CNKSR3: variants seen among roughly 807,000 people sequenced by gnomAD.
CNKSR3 encodes the protein CNKSR family member 3.
CNKSR3 carries 36 observed loss-of-function variants against 67.7 expected under a neutral mutation model. That is an observed-to-expected ratio of 0.53 (90% CI 0.41 to 0.70). CNKSR3 has a LOEUF of 0.70. Among genes scored for constraint, CNKSR3 ranks in the 30% least tolerant of loss-of-function variants. CNKSR3 has a pLI of 0.00. For missense variants in CNKSR3, 630 were observed against 695.2 expected, an observed-to-expected ratio of 0.91 and a Z score of 1.05; for synonymous variants, 281 against 271.4, an observed-to-expected ratio of 1.04 and a Z score of -0.35.
chr6:154,420,225 TAAA>T (rs35213451), intron 9 of CNKSR3, among the ~76,000 whole-genome samples: 110 of 145,316 alleles, frequency 7.6e-4, no homozygotes, highest in Non-Finnish European at 8.2e-4. Context: ...ATGTGGAATC[TAAA>T]AAAAAAAAAA....
rs1784589865 is a variant in CNKSR3, at chr6:154,390,151, T to A, written c.*16203A>T. 1 of 152,202 alleles carries A rather than the reference T, an allele frequency of 6.6e-6. No homozygotes were observed. The highest frequency in any genetic ancestry group is 2.4e-5 in the African/African-American group (1 of 41,448). 9.4% of individuals were successfully genotyped at this position (152,202 alleles called of 1,614,324 possible). A position where few individuals can be genotyped will look rare whatever the true frequency, so the allele number is the denominator to read the frequency against. ...TAGAATATTACTCATCAGTCACAAA[T>A]CTTGTATGCTTCCCCACATTTTCTC... On this transcript the variant is annotated 3_prime_UTR_variant, in exon 13 of 13. Transcript: ENST00000607772.
intron 12 of CNKSR3, among the ~76,000 whole-genome samples, chr6:154,409,786 G>A (rs190642658): frequency 2.6e-5 from 4 of 151,588 alleles, no homozygotes; most frequent in South Asian, 4.2e-4. Flanking sequence ...GCACATCCCC[G>A]TAATTCCAGC....
intron 7 of CNKSR3, 105 bp downstream of exon 7, chr6:154,428,023 C>T: frequency 1.3e-6 from 1 of 750,508 alleles, no homozygotes; most frequent in Non-Finnish European, 2.3e-6. Context: ...CACGCTCTCA[C>T]AATAATCAAA....
chr6:154,440,285 C>T (rs531320421), intron 4 of CNKSR3, among the ~76,000 whole-genome samples: 1 of 152,268 alleles, frequency 6.6e-6, no homozygotes, highest in Admixed American at 6.5e-5. Context: ...TCTGTTATGG[C>T]ATGGTCAGGA....
intron 4 of CNKSR3, among the ~76,000 whole-genome samples, chr6:154,435,895 C>A (rs1055165513): frequency 2.0e-5 from 3 of 152,260 alleles, no homozygotes; most frequent in Non-Finnish European, 4.4e-5. Context: ...CAAAGCCTAC[C>A]TCTGAGATTT....
In CNKSR3 at chr6:154,498,904, G is replaced by T. The variant is rs139715604; in HGVS notation, c.52+11159C>A. ...TTCAAAGCCAAAACCTGAGTGCTAA[G>T]TGAGGAAGCTCAACTATTTTCTCGC... On this transcript the variant is annotated intron_variant, in intron 1 of 12. Coordinates refer to ENST00000607772, the MANE Select transcript of CNKSR3 (RefSeq NM_173515.4). Among the ~76,000 whole-genome samples, 3 of 152,318 alleles carry T rather than the reference G, an allele frequency of 2.0e-5. No individual in the cohort carries two copies. In the East Asian group the frequency reaches 5.8e-4, roughly 29 times the overall value.
chr6:154,423,887 T>TC (rs1785198365), intron 7 of CNKSR3, among the ~76,000 whole-genome samples: 1 of 152,176 alleles, frequency 6.6e-6, no homozygotes, highest in Admixed American at 6.5e-5. Context: ...AGACTTTTTT[T>TC]CCTTCAAATA....
chr6:154,456,108 T>G (rs1785949139), intron 1 of CNKSR3, among the ~76,000 whole-genome samples: 2 of 152,092 alleles, frequency 1.3e-5, no homozygotes, highest in South Asian at 4.1e-4. Context: ...AAGCAAATGG[T>G]CATCATGACC....
intron 1 of CNKSR3, among the ~76,000 whole-genome samples, chr6:154,492,759 CAAAAA>C (rs1359589710): frequency 7.6e-6 from 1 of 131,360 alleles, no homozygotes; most frequent in African/African-American, 2.9e-5. Flanking sequence ...AAAAAAAAAA[CAAAAA>C]ACAAAAAAAA....
In CNKSR3 at chr6:154,414,300, G is replaced by A. The variant is rs745528462; in HGVS notation, c.1069C>T (p.Arg357Trp). ...PPPPAVPYSP[R>W]DENGSFVYGG... is the part of the protein sequence containing the mutation. ...CCATGACAATGGACAGCAACATACC[G>A]GGGAGAGTAGGGAACAGCAGGCGGA... is the stretch of plus-strand genomic sequence containing the variant. Residue 357 changes from arginine to tryptophan, a missense_variant and splice_region_variant, in exon 10 of 13, where the codon CGG becomes TGG. Around this residue, in one of 3 missense-constraint regions of CNKSR3, gnomAD observed 308 missense variants for 299.6 expected, o/e 1.03. Transcript: ENST00000607772. 1.8e-5 allele frequency: 28 copies of A among 1,591,322 alleles called. No homozygotes were observed. Among genetic ancestry groups the A allele is most frequent in the East Asian group, 1.6e-4 (7 of 44,768 alleles).
chr6:154,437,298 C>T (rs1446351588), intron 4 of CNKSR3, among the ~76,000 whole-genome samples: 3 of 152,076 alleles, frequency 2.0e-5, no homozygotes, highest in East Asian at 1.9e-4. Flanking sequence ...ACCATCACAA[C>T]GCACATGGGG....
chr6:154,457,546 C>A (rs1296711834), intron 1 of CNKSR3, among the ~76,000 whole-genome samples: 1 of 152,028 alleles, frequency 6.6e-6, no homozygotes, highest in African/African-American at 2.4e-5. Context: ...ATAGTGAAAC[C>A]CTGTCTCTAC....
intron 1 of CNKSR3, among the ~76,000 whole-genome samples, chr6:154,492,758 A>C (rs112921330): frequency 0.045 from 6,716 of 149,778 alleles, 418 homozygotes; most frequent in African/African-American, 0.14. Flanking sequence ...AAAAAAAAAA[A>C]CAAAAAACAA....
intron 7 of CNKSR3, among the ~76,000 whole-genome samples, chr6:154,424,978 G>T (rs1259944587): frequency 6.6e-6 from 1 of 152,142 alleles, no homozygotes; most frequent in Non-Finnish European, 1.5e-5. Context: ...CACCATGTTG[G>T]CCAGGCTGAT....
chr6:154,407,806 C>A (rs916231501), intron 12 of CNKSR3, among the ~76,000 whole-genome samples: 4 of 121,688 alleles, frequency 3.3e-5, no homozygotes, highest in Non-Finnish European at 6.5e-5. Context: ...TCTAAATTTT[C>A]TAAATTCTAA....
rs1784729654 is a variant in CNKSR3 at position 154,402,504 on chromosome 6, G to A, written c.*3850C>T. On this transcript the variant is annotated 3_prime_UTR_variant, in exon 13 of 13. Transcript: ENST00000607772. ...AGTGATTATGAGCAAGAAAGCCAGA[G>A]CCAGGCTGCTTTCATTTTAATCCCA... The A allele has an allele frequency of 6.6e-6, 1 of 152,208 alleles. No homozygotes were observed. Among genetic ancestry groups the A allele is most frequent in the African/African-American group, 2.4e-5 (1 of 41,444 alleles). 9.4% of individuals were successfully genotyped at this position (152,208 alleles called of 1,614,324 possible). A position where few individuals can be genotyped will look rare whatever the true frequency, so the allele number is the denominator to read the frequency against.
rs141157272 is a variant in CNKSR3, at chr6:154,409,785, C to T, written c.1369+558G>A. ...TTGGCTGGGTATGGTGGCACATCCC[C>T]GTAATTCCAGCACTTTGGGAGGCTG... On this transcript the variant is annotated intron_variant, in intron 12 of 12. Coordinates refer to ENST00000607772, the MANE Select transcript of CNKSR3 (RefSeq NM_173515.4). Among the ~76,000 whole-genome samples the T allele has an allele frequency of 9.5e-4, 144 of 151,594 alleles. No individual in the cohort carries two copies. The East Asian group carries it at 0.022, about 23-fold the overall frequency.
intron 1 of CNKSR3, among the ~76,000 whole-genome samples, chr6:154,498,534 C>T (rs1479768035): frequency 6.6e-6 from 1 of 152,184 alleles, no homozygotes; most frequent in South Asian, 2.1e-4. Context: ...CAGTCTCCAC[C>T]ACTCCCTACT....
At chr6:154,509,521 T>C (rs1456254954) in intron 1 of CNKSR3, among the ~76,000 whole-genome samples, 2 of 150,124 alleles carry the variant, frequency 1.3e-5, no homozygotes, top group African/African-American at 4.8e-5. Flanking sequence ...TGCTATGGTG[T>C]TGGCTTTTGC....
Sources: gnomAD v4.1 joint callset for allele counts (sites outside exome capture counted in the v4.1 genomes callset) on GRCh38, gnomAD v4.1.1 for gene constraint, gnomAD v4.1.1 regional missense constraint, MANE v1.5 for transcripts, NCBI Gene and HGNC (gene_info 2026-07-23, HGNC 2026-07-21) for gene names.